NCAM2: variants seen among roughly 807,000 people sequenced by gnomAD.
NCAM2 encodes neural cell adhesion molecule 2.
A neutral mutation model predicts 98.1 loss-of-function variants in NCAM2; 30 were observed. The ratio of observed to expected loss-of-function variants is 0.31; its 90% CI spans 0.23 to 0.41. NCAM2 has a LOEUF of 0.41. Among genes scored for constraint, NCAM2 ranks in the 10% least tolerant of loss-of-function variants. The pLI, the probability that NCAM2 is intolerant of heterozygous loss-of-function variation, is 1.00. For missense variants in NCAM2, 867 were observed against 1,005.8 expected (o/e 0.86, Z 1.87); for synonymous variants, 368 against 342.4 (o/e 1.07, Z -0.83).
intron 1 of NCAM2, among the ~76,000 whole-genome samples, chr21:21,038,106 G>T (rs2064833709): frequency 7.5e-6 from 1 of 133,238 alleles, no homozygotes; most frequent in Non-Finnish European, 1.6e-5. Context: ...AGTTGCTTCT[G>T]TTCACAAATC....
At chr21:21,079,219 A>G (rs956564861) in intron 1 of NCAM2, among the ~76,000 whole-genome samples, 1 of 147,346 alleles carries the variant, frequency 6.8e-6, no homozygotes, top group Non-Finnish European at 1.5e-5. Flanking sequence ...AACAAACAAA[A>G]CGTTTCTTTT....
At chr21:20,998,867 G>A (rs1301850272) in intron 1 of NCAM2, among the ~76,000 whole-genome samples, 5 of 152,086 alleles carry the variant, frequency 3.3e-5, no homozygotes, top group South Asian at 2.1e-4. Context: ...GATATCCAGG[G>A]AAACCGCTTC....
At chr21:21,026,221 G>A (rs1013013189) in intron 1 of NCAM2, among the ~76,000 whole-genome samples, 1 of 152,130 alleles carries the variant, frequency 6.6e-6, no homozygotes, top group Admixed American at 6.5e-5. Flanking sequence ...ATAAAAGAAG[G>A]CAATTAACTA....
At chr21:21,517,639 C>G (rs944985149) in intron 16 of NCAM2, among the ~76,000 whole-genome samples, 1 of 152,088 alleles carries the variant, frequency 6.6e-6, no homozygotes, top group African/African-American at 2.4e-5. Flanking sequence ...GAGTGGATCA[C>G]CTGAGGTCAA....
chr21:21,175,268 C>T (rs2146872306), intron 1 of NCAM2, among the ~76,000 whole-genome samples: 1 of 152,212 alleles, frequency 6.6e-6, no homozygotes, highest in African/African-American at 2.4e-5. Context: ...GGTACCGTGG[C>T]TCACGCCTGT....
At chr21:21,073,309 G>A (rs1415505720) in intron 1 of NCAM2, among the ~76,000 whole-genome samples, 1 of 151,948 alleles carries the variant, frequency 6.6e-6, no homozygotes, top group Non-Finnish European at 1.5e-5. Context: ...AACACTAATT[G>A]TTAAGATTTT....
At chr21:21,247,446 CT>C (rs1453570007) in intron 1 of NCAM2, among the ~76,000 whole-genome samples, 1 of 152,176 alleles carries the variant, frequency 6.6e-6, no homozygotes, top group Non-Finnish European at 1.5e-5. Context: ...TTTAAGATCT[CT>C]TTTATCTTAG....
At chr21:21,278,286 C>G (rs530290224) in intron 1 of NCAM2, among the ~76,000 whole-genome samples, 2 of 151,956 alleles carry the variant, frequency 1.3e-5, no homozygotes, top group African/African-American at 4.8e-5. Context: ...TTCCAGTAAC[C>G]CCATACATCT....
chr21:21,353,911 G>GT (rs2075404315), intron 8 of NCAM2, among the ~76,000 whole-genome samples: 1 of 152,034 alleles, frequency 6.6e-6, no homozygotes, highest in Non-Finnish European at 1.5e-5. Flanking sequence ...TTCAAACTAT[G>GT]TTTTTATATC....
chr21:21,031,165 ATAAT>A (rs200850747), intron 1 of NCAM2, among the ~76,000 whole-genome samples: 3,159 of 152,276 alleles, frequency 0.021, 48 homozygotes, highest in Non-Finnish European at 0.031. Flanking sequence ...TACTTTATAA[ATAAT>A]TATCTCTGTT....
intron 1 of NCAM2, among the ~76,000 whole-genome samples, chr21:21,216,192 T>C (rs1426401230): frequency 6.6e-6 from 1 of 152,120 alleles, no homozygotes; most frequent in Admixed American, 6.6e-5. Context: ...AAATATCAGA[T>C]AGTCAAAATC....
intron 16 of NCAM2, among the ~76,000 whole-genome samples, chr21:21,529,968 A>G (rs1989533618): frequency 6.7e-6 from 1 of 150,178 alleles, no homozygotes; most frequent in South Asian, 2.1e-4. Context: ...GATAAAACAT[A>G]ACATATATTA....
chr21:21,353,254 A>G (rs2075389590), intron 8 of NCAM2, among the ~76,000 whole-genome samples: 2 of 152,258 alleles, frequency 1.3e-5, no homozygotes, highest in South Asian at 4.1e-4. Flanking sequence ...TATGTACTTT[A>G]TGATGGAATA....
At chr21:21,264,992 ATG>A (rs1229026226) in intron 1 of NCAM2, among the ~76,000 whole-genome samples, 1 of 1,030 alleles carries the variant, frequency 9.7e-4, no homozygotes, top group Non-Finnish European at 2.3e-3. Flanking sequence ...ATATATGTGT[ATG>A]TGTATATATA....
Position 21,168,288 on chromosome 21 carries a change from G to A in NCAM2, c.56-112290G>A, listed in dbSNP as rs553120080. Among the ~76,000 whole-genome samples, 4 of 151,458 alleles carry A rather than the reference G, an allele frequency of 2.6e-5. No individual in the cohort carries two copies. In the South Asian group the frequency reaches 8.4e-4, roughly 32 times the overall value. ...AATTCTCAGCAAACAAACAATAGAG[G>A]GTAACTTCATCAGCTTGATAAAGAA... is the stretch of plus-strand genomic sequence containing the variant. On this transcript the variant is annotated intron_variant, in intron 1 of 17. Coordinates refer to ENST00000400546, the MANE Select transcript of NCAM2 (RefSeq NM_004540.5).
chr21:21,383,548 C>A (rs1315849490), intron 9 of NCAM2, among the ~76,000 whole-genome samples: 3 of 152,160 alleles, frequency 2.0e-5, no homozygotes, highest in African/African-American at 7.2e-5. Flanking sequence ...CATTTCCCAT[C>A]ACAATCTTCC....
chr21:21,410,359 T>C lies in NCAM2; in HGVS notation c.1281T>C (p.Asn427=). Reference sequence around the variant, plus strand: ...ATATAAGTTGTGATGTGAAATCGAATCCACCAGCATCAATTCACTGGAGAA... The same window carrying C: ...ATATAAGTTGTGATGTGAAATCGAACCCACCAGCATCAATTCACTGGAGAA... ...PINISCDVKS[N]PPASIHWRRD... Residue 427 remains asparagine, a synonymous_variant, in exon 10 of 18, where the codon AAT becomes AAC. Coordinates refer to ENST00000400546, the MANE Select transcript of NCAM2 (RefSeq NM_004540.5). 2 of 1,601,578 alleles carry C rather than the reference T, an allele frequency of 1.2e-6. No homozygotes were observed. The highest frequency in any genetic ancestry group is 1.7e-6 in the Non-Finnish European group (2 of 1,172,704).
chr21:21,197,730 C>T (rs2069056158), intron 1 of NCAM2, among the ~76,000 whole-genome samples: 1 of 152,182 alleles, frequency 6.6e-6, no homozygotes, highest in Middle Eastern at 3.2e-3. Flanking sequence ...TCCCTTCCAA[C>T]TCTATGGCCA....
chr21:21,381,703 TA>T (rs1222226848), intron 9 of NCAM2, among the ~76,000 whole-genome samples: 1 of 152,158 alleles, frequency 6.6e-6, no homozygotes, highest in Non-Finnish European at 1.5e-5. Flanking sequence ...CTCAAATCAT[TA>T]AAAATCCCAT....
Sources: allele counts gnomAD v4.1 joint callset (sites outside exome capture counted in the v4.1 genomes callset), GRCh38; gene constraint gnomAD v4.1.1; transcripts MANE v1.5; gene names NCBI Gene and HGNC (gene_info 2026-07-23, HGNC 2026-07-21).